CYP1B1: variants seen among roughly 807,000 people sequenced by gnomAD.
CYP1B1 encodes the protein cytochrome P450 1B1.
CYP1B1 carries 22 observed loss-of-function variants against 29.9 expected under a neutral mutation model. That is an observed-to-expected ratio of 0.74 (90% CI 0.53 to 1.05). The LOEUF is 1.05. CYP1B1 is among the 50% of genes least tolerant of loss of function. The probability of loss-of-function intolerance (pLI) is 0.00; values close to 1 mark genes in which losing one functional copy is unlikely to be tolerated. For synonymous variants in CYP1B1, 375 were observed against 320.0 expected, an observed-to-expected ratio of 1.17 and a Z score of -1.83; for missense variants, 883 against 746.9, an observed-to-expected ratio of 1.18 and a Z score of -2.12.
Position 38,070,401 on chromosome 2 carries a change from T to C in CYP1B1, c.*321A>G, listed in dbSNP as rs1682402778. On this transcript the variant is annotated 3_prime_UTR_variant, in exon 3 of 3. Transcript: ENST00000610745. Reference sequence around the variant, plus strand: ...CATTCAGTAGTTTGGTGTAAGTGTTTGGGTGTATGTGTCTATATGTGCATT... The same window carrying C: ...CATTCAGTAGTTTGGTGTAAGTGTTCGGGTGTATGTGTCTATATGTGCATT... 2.6e-6 allele frequency: 1 copy of C among 386,192 alleles called. No homozygotes were observed. The highest frequency in any genetic ancestry group is 4.7e-6 in the Non-Finnish European group (1 of 211,728). The allele number at this position is 386,192 out of a possible 1,614,324, so 23.9% of individuals were successfully genotyped here.
Position 38,070,477 on chromosome 2 carries a change from A to C in CYP1B1, c.*245T>G. Reference sequence around the variant, plus strand: ...GAAATAACCAAGATGCAGTATGTATATAATAATTCATTGGGCCCTTTAAGT... The same window carrying C: ...GAAATAACCAAGATGCAGTATGTATCTAATAATTCATTGGGCCCTTTAAGT... On this transcript the variant is annotated 3_prime_UTR_variant, in exon 3 of 3. Transcript: ENST00000610745. 7.4e-6 allele frequency: 4 copies of C among 538,818 alleles called. No homozygotes were observed. The highest frequency in any genetic ancestry group is 3.2e-5 in the East Asian group (1 of 30,988). The allele number at this position is 538,818 out of a possible 1,614,324, so 33.4% of individuals were successfully genotyped here.
chr2:38,075,703 T>G, intron 1 of CYP1B1, 77 bp downstream of exon 1: 29 of 454,152 alleles, frequency 6.4e-5, no homozygotes, highest in Non-Finnish European at 7.7e-5. Flanking sequence ...TCCTTTAAAG[T>G]ACCTACCACG....
At chr2:38,073,047 C>T (rs1376882262) in intron 2 of CYP1B1, among the ~76,000 whole-genome samples, 2 of 152,198 alleles carry the variant, frequency 1.3e-5, no homozygotes, top group Non-Finnish European at 2.9e-5. Flanking sequence ...TCTGCGGATG[C>T]ACAAAAACCT....
chr2:38,075,252 T>G lies in CYP1B1; in HGVS notation c.137A>C (p.Gln46Pro). Reference sequence around the variant, plus strand: ...CGGGCCCGGGGGCGCGGACCGGAGCTGCCGCCTCCGTTGCCTCAGCAGCCG... The same window carrying G: ...CGGGCCCGGGGGCGCGGACCGGAGCGGCCGCCTCCGTTGCCTCAGCAGCCG... ...GQRLLRQRRR[Q>P]LRSAPPGPFA... Residue 46 changes from glutamine to proline, a missense_variant, in exon 2 of 3, where the codon CAG becomes CCG. Transcript: ENST00000610745. 6.3e-7 allele frequency: 1 copy of G among 1,598,126 alleles called. No homozygotes were observed. Among genetic ancestry groups the G allele is most frequent in the East Asian group, 2.2e-5 (1 of 44,508 alleles).
chr2:38,070,106 G>T lies in CYP1B1; in HGVS notation c.*616C>A. ...CTGACTTTATGATTTATCCTTAAAA[G>T]TAAGGAAGTATACCAGAAGGCAAAA... On this transcript the variant is annotated 3_prime_UTR_variant, in exon 3 of 3. Coordinates refer to ENST00000610745, the MANE Select transcript of CYP1B1 (RefSeq NM_000104.4). 1 of 215,176 alleles carries T rather than the reference G, an allele frequency of 4.6e-6. No homozygotes were observed. Among genetic ancestry groups the T allele is most frequent in the Non-Finnish European group, 9.4e-6 (1 of 106,732 alleles). The allele number at this position is 215,176 out of a possible 1,614,324, so 13.3% of individuals were successfully genotyped here. A position where few individuals can be genotyped will look rare whatever the true frequency, so the allele number is the denominator to read the frequency against.
At chr2:38,074,278 A>G (rs1682482895) in intron 2 of CYP1B1, 68 bp downstream of exon 2, 2 of 1,543,072 alleles carry the variant, frequency 1.3e-6, no homozygotes, top group African/African-American at 1.4e-5. Context: ...CAAACTCAGC[A>G]TATTCTGTCT....
In CYP1B1 at chr2:38,074,454, C is replaced by T. The variant is rs760687362; in HGVS notation, c.935G>A (p.Gly312Asp). Residue 312 changes from glycine (G) to aspartate (D), a missense_variant, in exon 2 of 3, where the codon GGC (glycine) becomes GAC (aspartate). Gly to Asp is a moderately conservative substitution (Grantham distance 94). Transcript: ENST00000610745. ...KKAAGDSHGG[G>D]ARLDLENVPA... ...TACGTTCTCCAAATCCAGCCGCGCG[C>T]CACCACCGTGCGAGTCCCCGGCCGC... 1 of 1,613,264 alleles carries T rather than the reference C, an allele frequency of 6.2e-7. No homozygotes were observed. Among genetic ancestry groups the T allele is most frequent in the South Asian group, 1.1e-5 (1 of 90,978 alleles).
In CYP1B1 at chr2:38,070,716, T is replaced by C. The variant is rs1323328165; in HGVS notation, c.*6A>G. 4 of 1,613,322 alleles carry C rather than the reference T, an allele frequency of 2.5e-6. No homozygotes were observed. The highest frequency in any genetic ancestry group is 3.4e-6 in the Non-Finnish European group (4 of 1,179,220). On this transcript the variant is annotated 3_prime_UTR_variant, in exon 3 of 3. Transcript: ENST00000610745. The stretch of plus-strand genomic sequence containing the variant: ...ATTTCTAAAATTTCAGCTTGCCTCT[T>C]GCTTCTTATTGGCAAGTTTCCTTGG...
At chr2:38,075,489 G>A (rs1253332934) in intron 1 of CYP1B1, 100 bp from the exon 2 acceptor site, 1 of 1,238,018 alleles carries the variant, frequency 8.1e-7, no homozygotes, top group African/African-American at 1.5e-5. Context: ...GTGCCGTTGG[G>A]TGGAGAGGTC....
In CYP1B1 at chr2:38,075,331, G is replaced by T. The variant is rs1573276416; in HGVS notation, c.58C>A (p.Gln20Lys). Residue 20 changes from glutamine to lysine, a missense_variant, in exon 2 of 3, where the codon CAG becomes AAG. By Grantham distance (53) the Gln-to-Lys change is moderately conservative. Coordinates refer to ENST00000610745, the MANE Select transcript of CYP1B1 (RefSeq NM_000104.4). Reference protein sequence around the residue: ...PWPLNPLSIQQTTLLLLLSVL... With the variant: ...PWPLNPLSIQKTTLLLLLSVL... ...GACAGGAGTAGCAGGAGCGTGGTCT[G>T]CTGGATGGACAGCGGGTTTAGCGGC... is the stretch of plus-strand genomic sequence containing the variant. The T allele has an allele frequency of 6.2e-7, 1 of 1,612,950 alleles. No individual in the cohort carries two copies. The highest frequency in any genetic ancestry group is 1.3e-5 in the African/African-American group (1 of 74,950).
rs4986888 is a variant in CYP1B1, at chr2:38,071,026, G to C, written c.1328C>G (p.Ala443Gly). Residue 443 changes from alanine to glycine, a missense_variant, in exon 3 of 3, where the codon GCT becomes GGT. Coordinates refer to ENST00000610745, the MANE Select transcript of CYP1B1 (RefSeq NM_000104.4). ...GAGGCCATCCTTGTCCAAGAATCGAGCTGGATCAAAGTTCTCCGGGTTAGG... is the reference window on the plus strand; with the variant it reads ...GAGGCCATCCTTGTCCAAGAATCGACCTGGATCAAAGTTCTCCGGGTTAGG... ...KWPNPENFDP[A>G]RFLDKDGLIN... 5,341 of 1,614,070 alleles carry C rather than the reference G, an allele frequency of 3.3e-3. 86 individuals carry two copies. The African/African-American group carries it at 0.05, about 15-fold the overall frequency.
chr2:38,073,538 A>G (rs1682468849), intron 2 of CYP1B1: 1 of 152,132 alleles, frequency 6.6e-6, no homozygotes, highest in African/African-American at 2.4e-5. Flanking sequence ...AAATCTGGCA[A>G]CCCGACACCA....
Position 38,075,051 on chromosome 2 carries a change from G to A in CYP1B1, c.338C>T (p.Ala113Val). The change falls in exon 2 of 3, where the codon GCC becomes GTC. Residue 113 changes from alanine (A) to valine (V), a missense_variant. By Grantham distance (64) the Ala-to-Val change is moderately conservative. Transcript: ENST00000610745. Reference sequence around the variant, plus strand: ...GGCGAAGGCCGGCCGGTCGGCGAAGGCCGAGCCCTGCTGCACCAGGGCCTG... The same window carrying A: ...GGCGAAGGCCGGCCGGTCGGCGAAGACCGAGCCCTGCTGCACCAGGGCCTG... ...IHQALVQQGS[A>V]FADRPAFASF... 4 of 1,586,266 alleles carry A rather than the reference G, an allele frequency of 2.5e-6. No homozygotes were observed. Among genetic ancestry groups the A allele is most frequent in the Non-Finnish European group, 3.4e-6 (4 of 1,174,270 alleles).
rs368176353 is a variant in CYP1B1, at chr2:38,069,463, T to A, written c.*1259A>T. 1 of 205,086 alleles carries A rather than the reference T, an allele frequency of 4.9e-6. No homozygotes were observed. Among genetic ancestry groups the A allele is most frequent in the South Asian group, 1.9e-4 (1 of 5,292 alleles). 12.7% of individuals were successfully genotyped at this position (205,086 alleles called of 1,614,324 possible). A position where few individuals can be genotyped will look rare whatever the true frequency, so the allele number is the denominator to read the frequency against. ...TTCAACTGGAACTCAATAATCAGAA[T>A]GGCTTTAAAATTTAGTTAAAATTTA... On this transcript the variant is annotated 3_prime_UTR_variant, in exon 3 of 3. Transcript: ENST00000610745.
chr2:38,068,984 C>A lies in CYP1B1; in HGVS notation c.*1738G>T. 4.5e-6 allele frequency: 1 copy of A among 222,160 alleles called. No individual in the cohort carries two copies. The highest frequency in any genetic ancestry group is 6.5e-5 in the East Asian group (1 of 15,332). The allele number at this position is 222,160 out of a possible 1,614,324, so 13.8% of individuals were successfully genotyped here. A position where few individuals can be genotyped will look rare whatever the true frequency, so the allele number is the denominator to read the frequency against. ...TTTTAAAATTTTGGTACAAAGATTC[C>A]AAAAAGCTTAATAAAATGTAATAAG... On this transcript the variant is annotated 3_prime_UTR_variant, in exon 3 of 3. Coordinates refer to ENST00000610745, the MANE Select transcript of CYP1B1 (RefSeq NM_000104.4).
chr2:38,075,574 G>C (rs1682523735), intron 1 of CYP1B1, 185 bp from the exon 2 acceptor site: 7 of 638,920 alleles, frequency 1.1e-5, no homozygotes, highest in Non-Finnish European at 1.9e-5. Flanking sequence ...GAGAAGAGAA[G>C]GGGCGTGTTT....
intron 2 of CYP1B1, among the ~76,000 whole-genome samples, chr2:38,073,219 G>A (rs980686423): frequency 2.6e-5 from 4 of 152,184 alleles, no homozygotes; most frequent in Non-Finnish European, 2.9e-5. Context: ...TAGCTGTACA[G>A]TATCTAAGGA....
intron 1 of CYP1B1, 69 bp downstream of exon 1, chr2:38,075,711 A>C: frequency 2.3e-6 from 1 of 443,754 alleles, no homozygotes; most frequent in Non-Finnish European, 4.2e-6. Flanking sequence ...AGTACCTACC[A>C]CGCCACCCGC....
In CYP1B1 at chr2:38,075,273, A is replaced by G. The variant is rs775446879; in HGVS notation, c.116T>C (p.Leu39Pro). ...GAGCTGCCGCCTCCGTTGCCTCAGCAGCCGCTGGCCCACATGCACAGTGGC... is the reference window on the plus strand; with the variant it reads ...GAGCTGCCGCCTCCGTTGCCTCAGCGGCCGCTGGCCCACATGCACAGTGGC... The part of the protein sequence containing the change: ...VLATVHVGQR[L>P]LRQRRRQLRS... Residue 39 changes from leucine to proline, a missense_variant, in exon 2 of 3, where the codon CTG (leucine) becomes CCG (proline). By Grantham distance (98) the Leu-to-Pro change is moderately conservative. Coordinates refer to ENST00000610745, the MANE Select transcript of CYP1B1 (RefSeq NM_000104.4). 4 of 1,606,288 alleles carry G rather than the reference A, an allele frequency of 2.5e-6. No individual in the cohort carries two copies. The highest frequency in any genetic ancestry group is 1.1e-5 in the South Asian group (1 of 90,168).
Sources: allele counts gnomAD v4.1 joint callset (sites outside exome capture counted in the v4.1 genomes callset), GRCh38; gene constraint gnomAD v4.1.1; transcripts MANE v1.5; gene names NCBI Gene and HGNC (gene_info 2026-07-23, HGNC 2026-07-21).